MYO1D: variants seen among roughly 807,000 people sequenced by gnomAD.
MYO1D encodes the protein myosin ID.
In MYO1D, 83 loss-of-function variants were observed where a neutral mutation model predicts 122.0. The observed-to-expected ratio is 0.68, with a 90% CI of 0.57 to 0.82. The LOEUF (loss-of-function observed/expected upper bound fraction) is 0.82. MYO1D is among the 40% of genes least tolerant of loss of function. The pLI, the probability that MYO1D is intolerant of heterozygous loss-of-function variation, is 0.00. For synonymous variants in MYO1D, 464 were observed against 446.9 expected (o/e 1.04, Z -0.48); for missense variants, 1,157 against 1,269.5 (o/e 0.91, Z 1.35).
chr17:32,515,779 G>C (rs1909870945), intron 21 of MYO1D, among the ~76,000 whole-genome samples: 1 of 152,176 alleles, frequency 6.6e-6, no homozygotes, highest in Non-Finnish European at 1.5e-5. Flanking sequence ...GGAATTCAAA[G>C]AAGTTAAAAC....
At chr17:32,762,877 A>C (rs1464457446) in intron 8 of MYO1D, among the ~76,000 whole-genome samples, 2 of 116,502 alleles carry the variant, frequency 1.7e-5, no homozygotes, top group Admixed American at 8.5e-5. Context: ...GTCTCAAAAA[A>C]AAAAGAAAAA....
At chr17:32,587,512 CAAA>C (rs576200395) in intron 21 of MYO1D, among the ~76,000 whole-genome samples, 7 of 104,238 alleles carry the variant, frequency 6.7e-5, no homozygotes, top group Admixed American at 9.5e-5. Context: ...AACTCCGTTT[CAAA>C]AAAAAAAAAA....
At chr17:32,741,674 A>G (rs1397163256) in intron 13 of MYO1D, among the ~76,000 whole-genome samples, 1 of 152,200 alleles carries the variant, frequency 6.6e-6, no homozygotes, top group Non-Finnish European at 1.5e-5. Flanking sequence ...TCCAACAGGG[A>G]AAAACAGCCT....
intron 16 of MYO1D, among the ~76,000 whole-genome samples, chr17:32,674,972 T>G (rs1227320228): frequency 6.6e-6 from 1 of 152,240 alleles, no homozygotes; most frequent in Non-Finnish European, 1.5e-5. Context: ...TTTTCCTGTC[T>G]TAGACTGTAA....
At chr17:32,670,366 A>C (rs1482505047) in intron 16 of MYO1D, among the ~76,000 whole-genome samples, 1 of 152,208 alleles carries the variant, frequency 6.6e-6, no homozygotes, top group Non-Finnish European at 1.5e-5. Flanking sequence ...ATTACTCTCA[A>C]ATAGTTCCAA....
intron 1 of MYO1D, among the ~76,000 whole-genome samples, chr17:32,870,986 T>C (rs1274818516): frequency 2.6e-5 from 4 of 152,200 alleles, no homozygotes; most frequent in Non-Finnish European, 5.9e-5. Context: ...TAAATGTCCA[T>C]GTATCCTGAG....
chr17:32,705,436 C>CT (rs5819993), intron 16 of MYO1D, among the ~76,000 whole-genome samples: 65,616 of 151,196 alleles, frequency 0.43, 14,764 homozygotes, highest in East Asian at 0.73. Context: ...ATTTTTTGTA[C>CT]TTTTTTTTAG....
chr17:32,853,956 G>C (rs2151083337), intron 1 of MYO1D, among the ~76,000 whole-genome samples: 1 of 152,260 alleles, frequency 6.6e-6, no homozygotes, highest in East Asian at 1.9e-4. Context: ...TTAATTATTA[G>C]AATCTTCCCC....
chr17:32,642,823 G>T (rs1172650153), intron 19 of MYO1D, among the ~76,000 whole-genome samples: 5 of 152,074 alleles, frequency 3.3e-5, no homozygotes, highest in African/African-American at 1.2e-4. Flanking sequence ...GGAGATTTTG[G>T]GCTGAGACCA....
At chr17:32,635,335 A>T (rs1227038389) in intron 20 of MYO1D, among the ~76,000 whole-genome samples, 1 of 152,220 alleles carries the variant, frequency 6.6e-6, no homozygotes, top group Non-Finnish European at 1.5e-5. Context: ...AAGCTGCCTT[A>T]AAACCTGAAT....
intron 21 of MYO1D, among the ~76,000 whole-genome samples, chr17:32,574,898 T>C (rs998629848): frequency 6.6e-6 from 1 of 152,240 alleles, no homozygotes; most frequent in Non-Finnish European, 1.5e-5. Flanking sequence ...TGTATGACCC[T>C]GGACAAGTCA....
chr17:32,663,867 A>C (rs918969981), intron 16 of MYO1D, among the ~76,000 whole-genome samples: 3 of 152,166 alleles, frequency 2.0e-5, no homozygotes, highest in Non-Finnish European at 4.4e-5. Context: ...TTTGAAGAAC[A>C]TATCGATTTT....
chr17:32,814,510 G>A (rs1338948532), intron 1 of MYO1D, among the ~76,000 whole-genome samples: 3 of 152,240 alleles, frequency 2.0e-5, no homozygotes, highest in Non-Finnish European at 2.9e-5. Context: ...GAAGGATAAT[G>A]AAGGGCCTCC....
chr17:32,846,365 C>T (rs1029642743), intron 1 of MYO1D, among the ~76,000 whole-genome samples: 1 of 152,184 alleles, frequency 6.6e-6, no homozygotes, highest in Non-Finnish European at 1.5e-5. Context: ...AGCTCATCAG[C>T]ATAACAGAGT....
chr17:32,526,274 C>G (rs779816906), intron 21 of MYO1D, among the ~76,000 whole-genome samples: 11 of 152,194 alleles, frequency 7.2e-5, no homozygotes, highest in Non-Finnish European at 1.5e-4. Flanking sequence ...AATATCAGCT[C>G]TATATTGTTT....
chr17:32,645,027 G>T (rs2088267480), intron 19 of MYO1D, among the ~76,000 whole-genome samples: 1 of 152,124 alleles, frequency 6.6e-6, no homozygotes, highest in Admixed American at 6.5e-5. Context: ...TTACAATTTG[G>T]CATGTTTTTG....
intron 21 of MYO1D, among the ~76,000 whole-genome samples, chr17:32,604,202 C>A (rs200566528): frequency 0.015 from 694 of 45,468 alleles, 3 homozygotes; most frequent in Non-Finnish European, 0.025. Flanking sequence ...AAAAAAAAAA[C>A]ATACTAATAA....
chr17:32,849,473 T>C (rs1039676161), intron 1 of MYO1D, among the ~76,000 whole-genome samples: 30 of 150,604 alleles, frequency 2.0e-4, no homozygotes, highest in Admixed American at 1.5e-3. Flanking sequence ...CACCATGGAA[T>C]ACTATGCAGC....
chr17:32,620,941 C>A (rs1013476275), intron 20 of MYO1D, among the ~76,000 whole-genome samples: 1 of 152,080 alleles, frequency 6.6e-6, no homozygotes, highest in Non-Finnish European at 1.5e-5. Context: ...GTGCTTAGAA[C>A]CAGAAATCTT....
Sources: allele counts gnomAD v4.1 joint callset (sites outside exome capture counted in the v4.1 genomes callset), GRCh38; gene constraint gnomAD v4.1.1; transcripts MANE v1.5; gene names NCBI Gene and HGNC (gene_info 2026-07-23, HGNC 2026-07-21).